Variants in GP6 observed in about 807,000 individuals in gnomAD.
The protein encoded by GP6 is glycoprotein VI platelet.
Under a neutral mutation model 37.3 loss-of-function variants are expected in GP6, and 45 were observed. The ratio of observed to expected loss-of-function variants is 1.21; its 90% CI spans 0.95 to 1.55. The LOEUF is 1.55. Among genes scored for constraint, GP6 ranks in the 40% most tolerant of loss-of-function variants. The pLI is 0.00. For synonymous variants in GP6, 340 were observed against 316.4 expected, an observed-to-expected ratio of 1.07 and a Z score of -0.79; for missense variants, 813 against 760.2, an observed-to-expected ratio of 1.07 and a Z score of -0.82.
rs553857074 is a variant in GP6 at position 55,018,023 on chromosome 19, G to A, written c.724+629C>T. On this transcript the variant is annotated intron_variant, in intron 6 of 7. Transcript: ENST00000310373. ...GCAGAGGTTACAGTGAGCCGAGATC[G>A]CACCACTGCACTCCAGCCTGGGCGA... Among the ~76,000 whole-genome samples the A allele has an allele frequency of 9.2e-5, 14 of 152,140 alleles. No homozygotes were observed. The East Asian group carries it at 2.1e-3, about 23-fold the overall frequency.
At chr19:55,034,956 G>A (rs1221944178) in intron 1 of GP6, among the ~76,000 whole-genome samples, 2 of 152,052 alleles carry the variant, frequency 1.3e-5, no homozygotes, top group African/African-American at 2.4e-5. Context: ...AGCTCCGGCC[G>A]CTTCTCTGTC....
At chr19:55,030,714 A>C (rs539026674) in intron 3 of GP6, among the ~76,000 whole-genome samples, 97 of 152,294 alleles carry the variant, frequency 6.4e-4, no homozygotes, top group African/African-American at 2.2e-3. Flanking sequence ...CAAGAGTCTA[A>C]GGAGACATAA....
At chr19:55,022,110 C>G (rs8099942) in intron 5 of GP6, among the ~76,000 whole-genome samples, 114,174 of 151,466 alleles carry the variant, frequency 0.75, 43,966 homozygotes, top group Middle Eastern at 0.85. Flanking sequence ...TCTGTTCACT[C>G]TGATGATACT....
Position 55,014,038 on chromosome 19 carries a change from G to A in GP6, c.*44C>T. Reference sequence around the variant, plus strand: ...GTATACAGAATTGTACATATTTATGGGGTGGACAGCAATATTGCAGTACAT... The same window carrying A: ...GTATACAGAATTGTACATATTTATGAGGTGGACAGCAATATTGCAGTACAT... On this transcript the variant is annotated 3_prime_UTR_variant, in exon 8 of 8. Transcript: ENST00000310373. 3.5e-6 allele frequency: 2 copies of A among 571,448 alleles called. No individual in the cohort carries two copies. Among genetic ancestry groups the A allele is most frequent in the Non-Finnish European group, 3.3e-6 (1 of 301,522 alleles). The allele number at this position is 571,448 out of a possible 1,614,324, so 35.4% of individuals were successfully genotyped here. A position where few individuals can be genotyped will look rare whatever the true frequency, so the allele number is the denominator to read the frequency against.
chr19:55,034,133 T>TAC (rs2074725574), intron 1 of GP6, among the ~76,000 whole-genome samples: 1 of 136,040 alleles, frequency 7.4e-6, no homozygotes, highest in Non-Finnish European at 1.6e-5. Context: ...TATGTATGTA[T>TAC]ATGTATATAT....
intron 5 of GP6, among the ~76,000 whole-genome samples, chr19:55,024,604 T>A (rs11669150): frequency 6.6e-6 from 1 of 152,080 alleles, no homozygotes; most frequent in Non-Finnish European, 1.5e-5. Flanking sequence ...TCAGCTGAGA[T>A]GTTTGTGAAA....
chr19:55,015,374 A>C (rs1053154557), intron 7 of GP6, among the ~76,000 whole-genome samples: 2 of 152,174 alleles, frequency 1.3e-5, no homozygotes, highest in African/African-American at 2.4e-5. Flanking sequence ...CTGTGCTCTC[A>C]CAGGGCTCTG....
chr19:55,024,350 ACG>A (rs1368565100), intron 5 of GP6, among the ~76,000 whole-genome samples: 35 of 140,610 alleles, frequency 2.5e-4, no homozygotes, highest in Admixed American at 6.4e-4. Context: ...ACGCACATGC[ACG>A]CACACACACA....
chr19:55,026,628 C>A (rs141644977), intron 4 of GP6, among the ~76,000 whole-genome samples: 1 of 152,134 alleles, frequency 6.6e-6, no homozygotes, highest in Admixed American at 6.6e-5. Flanking sequence ...CGGTGGCTCA[C>A]GCCTGTAATC....
chr19:55,030,442 G>A (rs1007395018), intron 3 of GP6, among the ~76,000 whole-genome samples: 3 of 152,008 alleles, frequency 2.0e-5, no homozygotes, highest in South Asian at 2.1e-4. Flanking sequence ...AGGTTTAAGC[G>A]ATTCTCCTGC....
chr19:55,024,612 A>C (rs2074235688), intron 5 of GP6, among the ~76,000 whole-genome samples: 1 of 152,186 alleles, frequency 6.6e-6, no homozygotes, highest in Admixed American at 6.6e-5. Context: ...GATGTTTGTG[A>C]AAGTGGAGGG....
intron 1 of GP6, among the ~76,000 whole-genome samples, chr19:55,037,663 C>G (rs1173131173): frequency 1.0e-5 from 1 of 97,560 alleles, no homozygotes; most frequent in Non-Finnish European, 1.9e-5. Context: ...GATGGAGGCT[C>G]TCTCTGTTGC....
At chr19:55,032,011 C>T (rs748563217) in intron 3 of GP6, 128 bp downstream of exon 3, 7 of 870,280 alleles carry the variant, frequency 8.0e-6, no homozygotes, top group African/African-American at 3.3e-5. Flanking sequence ...CCATAAATGT[C>T]GTGGCACCAC....
intron 3 of GP6, among the ~76,000 whole-genome samples, chr19:55,030,637 C>A (rs2074525480): frequency 6.6e-6 from 1 of 151,784 alleles, no homozygotes; most frequent in East Asian, 1.9e-4. Flanking sequence ...GCCGCCGCGC[C>A]CGGCCCAACC....
At chr19:55,025,671 A>G (rs2074272627) in intron 4 of GP6, among the ~76,000 whole-genome samples, 1 of 151,256 alleles carries the variant, frequency 6.6e-6, no homozygotes, top group African/African-American at 2.4e-5. Flanking sequence ...GCACCACTGC[A>G]CTCCAGCCTG....
At chr19:55,029,453 T>C (rs1406712434) in intron 3 of GP6, among the ~76,000 whole-genome samples, 1 of 137,248 alleles carries the variant, frequency 7.3e-6, no homozygotes, top group Non-Finnish European at 1.5e-5. Context: ...TGCAGTGGCA[T>C]GATCCCAGCT....
At chr19:55,021,050 TAAAAAAAAAAAA>T (rs60477411) in intron 5 of GP6, among the ~76,000 whole-genome samples, 1 of 107,714 alleles carries the variant, frequency 9.3e-6, no homozygotes, top group African/African-American at 3.8e-5. Flanking sequence ...AGACTCTGTT[TAAAAAAAAAAAA>T]AAAAAAAAAA....
chr19:55,033,097 G>T (rs2074655471), intron 1 of GP6, among the ~76,000 whole-genome samples: 1 of 137,400 alleles, frequency 7.3e-6, no homozygotes, highest in Non-Finnish European at 1.6e-5. Flanking sequence ...AGACACGGTG[G>T]ACTCGTTCGT....
At chr19:55,026,023 G>A (rs1358510156) in intron 4 of GP6, among the ~76,000 whole-genome samples, 1 of 137,864 alleles carries the variant, frequency 7.3e-6, no homozygotes, top group African/African-American at 2.8e-5. Flanking sequence ...AAAAAAAAAA[G>A]CAGCAGCATT....
Sources: gnomAD v4.1 joint callset for allele counts (sites outside exome capture counted in the v4.1 genomes callset) on GRCh38, gnomAD v4.1.1 for gene constraint, MANE v1.5 for transcripts, NCBI Gene and HGNC (gene_info 2026-07-23, HGNC 2026-07-21) for gene names.